The following LMAN1 variants were observed in gnomAD, a reference collection of about 807,000 sequenced individuals.
LMAN1 encodes protein ERGIC-53.
LMAN1 carries 32 observed loss-of-function variants against 67.8 expected under a neutral mutation model. The ratio of observed to expected loss-of-function variants is 0.47; its 90% CI spans 0.36 to 0.63. The LOEUF (loss-of-function observed/expected upper bound fraction) is 0.63. LMAN1 is among the 30% of genes least tolerant of loss of function. LMAN1 has a pLI of 0.00. For missense variants in LMAN1, 632 were observed against 628.2 expected (o/e 1.01, Z -0.06); for synonymous variants, 235 against 219.3 (o/e 1.07, Z -0.63).
In LMAN1 at chr18:59,359,156, C is replaced by T. The variant is rs1489239590; in HGVS notation, c.89G>A (p.Gly30Asp). 1 of 1,613,954 alleles carries T rather than the reference C, an allele frequency of 6.2e-7. No individual in the cohort carries two copies. Among genetic ancestry groups the T allele is most frequent in the African/African-American group, 1.3e-5 (1 of 74,936 alleles). The change falls in exon 1 of 13, where the codon GGC (glycine) becomes GAC (aspartate). Residue 30 changes from glycine to aspartate, a missense_variant. By Grantham distance (94) the Gly-to-Asp change is moderately conservative. Coordinates refer to ENST00000251047, the MANE Select transcript of LMAN1 (RefSeq NM_005570.4). Reference protein sequence around the residue: ...LLLSLGRFVRGDGVGGDPAVA... With the variant: ...LLLSLGRFVRDDGVGGDPAVA... ...CGCGGGGTCTCCTCCCACGCCGTCG[C>T]CCCGGACGAAGCGACCGAGTGACAG...
At chr18:59,358,956 T>A in intron 1 of LMAN1, 75 bp downstream of exon 1, 1 of 1,444,962 alleles carries the variant, frequency 6.9e-7, no homozygotes, top group Non-Finnish European at 9.7e-7. Context: ...CACACCAGGG[T>A]AGCCGCGGAT....
At chr18:59,332,459 T>C (rs755119447) in intron 11 of LMAN1, among the ~76,000 whole-genome samples, 5 of 152,194 alleles carry the variant, frequency 3.3e-5, no homozygotes, top group African/African-American at 7.2e-5. Context: ...TCCTACTTAC[T>C]AGCTACTGAC....
rs34090830 is a variant in LMAN1 at position 59,346,377 on chromosome 18, T to C, written c.823-326A>G. ...CTGGGACAACAGGCACCTGCTGCCA[T>C]GCCCAGCTAATTTTTTTTGTATTTT... On this transcript the variant is annotated intron_variant, in intron 7 of 12. Transcript: ENST00000251047. Among the ~76,000 whole-genome samples, 29,093 of 150,406 alleles carry C rather than the reference T, an allele frequency of 0.19. 4,121 individuals carry two copies. Among genetic ancestry groups the C allele is most frequent in the African/African-American group, 0.4 (16,584 of 40,968 alleles).
At chr18:59,346,906 C>T (rs1908421968) in intron 7 of LMAN1, among the ~76,000 whole-genome samples, 2 of 151,984 alleles carry the variant, frequency 1.3e-5, no homozygotes, top group South Asian at 2.1e-4. Context: ...CATGAGGTGG[C>T]CAGTACAAAC....
chr18:59,333,266 T>C (rs781648458), intron 10 of LMAN1, 22 bp from the exon 11 acceptor site: 5 of 1,607,704 alleles, frequency 3.1e-6, no homozygotes, highest in South Asian at 2.2e-5. Context: ...AGTCTCTTGA[T>C]ACAATAAAAT....
At chr18:59,358,295 A>C (rs929655317) in intron 1 of LMAN1, among the ~76,000 whole-genome samples, 3 of 152,248 alleles carry the variant, frequency 2.0e-5, no homozygotes, top group African/African-American at 7.2e-5. Context: ...CTAAAAATGT[A>C]ATGCTATTCT....
intron 5 of LMAN1, chr18:59,351,662 C>T (rs1380196296): frequency 6.6e-6 from 1 of 152,146 alleles, no homozygotes; most frequent in African/African-American, 2.4e-5. Context: ...CCAATCTCAT[C>T]AATTGTGGAA....
intron 7 of LMAN1, among the ~76,000 whole-genome samples, chr18:59,346,350 A>G (rs1908407444): frequency 6.6e-6 from 1 of 150,750 alleles, no homozygotes. Flanking sequence ...CCTCCCGAGT[A>G]GCTGGGACAA....
intron 5 of LMAN1, among the ~76,000 whole-genome samples, chr18:59,350,596 G>A (rs956490072): frequency 2.6e-5 from 4 of 152,022 alleles, no homozygotes; most frequent in African/African-American, 7.3e-5. Context: ...CAGGGTTCAC[G>A]CCATTCTCCT....
intron 11 of LMAN1, among the ~76,000 whole-genome samples, chr18:59,331,819 C>T (rs2070749406): frequency 6.6e-6 from 1 of 152,134 alleles, no homozygotes; most frequent in South Asian, 2.1e-4. Context: ...TCCCTGAGGT[C>T]ACTGAGACTA....
Position 59,355,418 on chromosome 18 carries a change from T to C in LMAN1, c.372A>G (p.Ala124=), listed in dbSNP as rs1344472838. 1.9e-5 allele frequency: 31 copies of C among 1,614,014 alleles called. No homozygotes were observed. Among genetic ancestry groups the C allele is most frequent in the Non-Finnish European group, 2.5e-5 (30 of 1,179,860 alleles). ...GRGRIGADGL[A]IWYAENQGLE... is the part of the protein sequence containing the mutation. ...AGCCTTGATTTTCTGCATACCAAATTGCCTGAAAATATGTAATAGGGAACA... is the reference window on the plus strand; with the variant it reads ...AGCCTTGATTTTCTGCATACCAAATCGCCTGAAAATATGTAATAGGGAACA... Residue 124 remains alanine, a splice_region_variant and synonymous_variant, in exon 3 of 13, where the codon GCA becomes GCG. Transcript: ENST00000251047.
At chr18:59,346,165 C>CATAAAA (rs1908398977) in intron 7 of LMAN1, 114 bp from the exon 8 acceptor site, 1 of 517,084 alleles carries the variant, frequency 1.9e-6, no homozygotes, top group Non-Finnish European at 3.3e-6. Flanking sequence ...GAAAGGTTAA[C>CATAAAA]ATAAAAATGT....
intron 8 of LMAN1, among the ~76,000 whole-genome samples, chr18:59,345,344 C>G (rs1444488): frequency 6.6e-6 from 1 of 151,972 alleles, no homozygotes; most frequent in Non-Finnish European, 1.5e-5. Context: ...AGCACACTCA[C>G]GTTCTTAATA....
At chr18:59,355,857 C>T (rs1211240146) in intron 1 of LMAN1, among the ~76,000 whole-genome samples, 199 bp from the exon 2 acceptor site, 1 of 152,150 alleles carries the variant, frequency 6.6e-6, no homozygotes, top group African/African-American at 2.4e-5. Context: ...ATTAAAGCTA[C>T]ACTCATACAC....
chr18:59,347,013 A>G (rs1222383469), intron 7 of LMAN1, among the ~76,000 whole-genome samples: 4 of 151,760 alleles, frequency 2.6e-5, no homozygotes, highest in African/African-American at 7.2e-5. Flanking sequence ...GGCGGATCAC[A>G]AGGTCAGGAG....
intron 8 of LMAN1, among the ~76,000 whole-genome samples, chr18:59,341,764 C>T (rs1202017500): frequency 1.3e-5 from 2 of 151,966 alleles, no homozygotes; most frequent in Non-Finnish European, 2.9e-5. Context: ...TAACATTATT[C>T]CTCTGCAAAC....
At chr18:59,349,841 TC>T (rs1568117012) in intron 5 of LMAN1, among the ~76,000 whole-genome samples, 1 of 152,222 alleles carries the variant, frequency 6.6e-6, no homozygotes, top group African/African-American at 2.4e-5. Flanking sequence ...AATCTTAGAA[TC>T]CTAGGCAAGC....
chr18:59,330,774 T>C lies in LMAN1; in HGVS notation c.*319A>G, dbSNP rs1005400095. Reference sequence around the variant, plus strand: ...ACGTTATACAGGGAAACCTGCAATATTGGAGACTTAGGGGGTAACATTCAT... The same window carrying C: ...ACGTTATACAGGGAAACCTGCAATACTGGAGACTTAGGGGGTAACATTCAT... On this transcript the variant is annotated 3_prime_UTR_variant, in exon 13 of 13. Transcript: ENST00000251047. 23 of 301,246 alleles carry C rather than the reference T, an allele frequency of 7.6e-5. No individual in the cohort carries two copies. The highest frequency in any genetic ancestry group is 1.4e-4 in the Admixed American group (3 of 21,236). The allele number at this position is 301,246 out of a possible 1,614,324, so 18.7% of individuals were successfully genotyped here. A position where few individuals can be genotyped will look rare whatever the true frequency, so the allele number is the denominator to read the frequency against.
intron 4 of LMAN1, among the ~76,000 whole-genome samples, chr18:59,353,974 T>C (rs12604424): frequency 0.11 from 16,142 of 152,278 alleles, 1,067 homozygotes; most frequent in Admixed American, 0.15. Context: ...AAAATTTGTA[T>C]TCTTGTTGCG....
Sources: gnomAD v4.1 joint callset for allele counts (sites outside exome capture counted in the v4.1 genomes callset) on GRCh38, gnomAD v4.1.1 for gene constraint, MANE v1.5 for transcripts, NCBI Gene and HGNC (gene_info 2026-07-23, HGNC 2026-07-21) for gene names.